Variants in MYO15A observed in about 807,000 individuals in gnomAD.
MYO15A encodes the protein myosin XVA.
A neutral mutation model predicts 394.6 loss-of-function variants in MYO15A; 308 were observed. The ratio of observed to expected loss-of-function variants is 0.78; its 90% CI spans 0.71 to 0.86. MYO15A has a LOEUF of 0.86. Among genes scored for constraint, MYO15A ranks in the 40% least tolerant of loss-of-function variants. The probability of loss-of-function intolerance (pLI) is 0.00; values close to 1 mark genes in which losing one functional copy is unlikely to be tolerated. For missense variants in MYO15A, 4,606 were observed against 4,799.1 expected, an observed-to-expected ratio of 0.96 and a Z score of 1.19; for synonymous variants, 1,957 against 2,003.8, an observed-to-expected ratio of 0.98 and a Z score of 0.62.
chr17:18,156,963 T>G lies in MYO15A; in HGVS notation c.8611T>G (p.Tyr2871Asp). 3 of 1,614,166 alleles carry G rather than the reference T, an allele frequency of 1.9e-6. No individual in the cohort carries two copies. Among genetic ancestry groups the G allele is most frequent in the Non-Finnish European group, 2.5e-6 (3 of 1,180,016 alleles). ...FILELKKDSD[Y>D]VVAVRNFLPE... Reference sequence around the variant, plus strand: ...CCTCTGGCTGACCCAGGACTCTGACTACGTGGTCGCTGTGAGGAACTTCCT... The same window carrying G: ...CCTCTGGCTGACCCAGGACTCTGACGACGTGGTCGCTGTGAGGAACTTCCT... Residue 2871 changes from tyrosine to aspartate, a missense_variant, in exon 49 of 66, where the codon TAC becomes GAC. By Grantham distance (160) the Tyr-to-Asp change is radical (BLOSUM62 -3). Around this residue, in one of 2 missense-constraint regions of MYO15A, gnomAD observed 2,776 missense variants for 3,109.3 expected, o/e 0.89. Transcript: ENST00000647165.
rs777279764 is a variant in MYO15A at position 18,121,197 on chromosome 17, G to A, written c.2397G>A (p.Leu799=). Residue 799 remains leucine (L), a synonymous_variant, in exon 2 of 66, where the codon CTG becomes CTA. Coordinates refer to ENST00000647165, the MANE Select transcript of MYO15A (RefSeq NM_016239.4). The surrounding 1 kb of genome is among the most constrained non-coding windows in gnomAD (Gnocchi z 5.3). ...CSPLAPPSPQ[L]SLRTGPFQPP... is the part of the protein sequence containing the mutation. ...CCTTGGCGCCCCCGTCGCCTCAGCT[G>A]TCCTTGCGCACGGGCCCCTTCCAGC... The A allele has an allele frequency of 3.4e-5, 51 of 1,506,964 alleles. No individual in the cohort carries two copies. The highest frequency in any genetic ancestry group is 2.1e-4 in the Middle Eastern group (1 of 4,738). The allele number at this position is 1,506,964 out of a possible 1,614,324, so 93.3% of individuals were successfully genotyped here. A position where few individuals can be genotyped will look rare whatever the true frequency, so the allele number is the denominator to read the frequency against.
intron 65 of MYO15A, among the ~76,000 whole-genome samples, chr17:18,175,479 T>G (rs1320936670): frequency 4.6e-5 from 7 of 151,942 alleles, no homozygotes; most frequent in African/African-American, 9.7e-5. Context: ...TTAGCAGAGA[T>G]AGGGTTTCAC....
chr17:18,131,134 G>T, intron 8 of MYO15A, 105 bp from the exon 9 acceptor site: 4 of 1,039,738 alleles, frequency 3.8e-6, no homozygotes, highest in Admixed American at 4.0e-5. Context: ...ATAAAGGGAG[G>T]TCCTTGGGAA....
In MYO15A at chr17:18,157,768, G is replaced by C; in HGVS notation, c.8835G>C (p.Ser2945=). 6.2e-7 allele frequency: 1 copy of C among 1,605,732 alleles called. No homozygotes were observed. Among genetic ancestry groups the C allele is most frequent in the Non-Finnish European group, 8.5e-7 (1 of 1,179,822 alleles). Residue 2945 remains serine, a synonymous_variant, in exon 51 of 66, where the codon TCG becomes TCC. Coordinates refer to ENST00000647165, the MANE Select transcript of MYO15A (RefSeq NM_016239.4). ...TIHGRVGRFP[S]ELVQPAAAPD... is the part of the protein sequence containing the mutation. ...ACGGGCGCGTGGGCCGCTTCCCTTC[G>C]GAGCTGGTGCAGCCCGCTGCTGCCC...
intron 45 of MYO15A, 101 bp from the exon 46 acceptor site, chr17:18,155,009 C>T: frequency 8.7e-7 from 1 of 1,155,914 alleles, no homozygotes; most frequent in South Asian, 1.3e-5. Context: ...TGGTCAGATA[C>T]CTTCTTGCTG....
chr17:18,158,823 G>T, intron 52 of MYO15A, 102 bp from the exon 53 acceptor site: 7 of 1,449,928 alleles, frequency 4.8e-6, no homozygotes, highest in Non-Finnish European at 6.8e-6. Flanking sequence ...ACTGATCAGT[G>T]GTGGGTCAAG....
At chr17:18,167,569 T>A in intron 61 of MYO15A, 21 bp from the exon 62 acceptor site, 1 of 1,600,736 alleles carries the variant, frequency 6.2e-7, no homozygotes. Flanking sequence ...TGGCAGCCCC[T>A]CACCCAGGTG....
chr17:18,133,157 G>C lies in MYO15A; in HGVS notation c.4321-68G>C. ...GGCCACCACACTACTGGTCAGGGCA[G>C]AGCAGGACCTGGAGGGCTCCCCAGC... On this transcript the variant is annotated intron_variant, in intron 11 of 65. Transcript: ENST00000647165. The C allele has an allele frequency of 1.9e-6, 3 of 1,548,476 alleles. No homozygotes were observed. In the South Asian group the frequency reaches 3.4e-5, roughly 18 times the overall value.
chr17:18,158,472 C>G, intron 51 of MYO15A, 51 bp from the exon 52 acceptor site: 1 of 1,529,166 alleles, frequency 6.5e-7, no homozygotes, highest in Non-Finnish European at 9.1e-7. Flanking sequence ...GACCGAAGGG[C>G]TAGGCGTGGT....
At chr17:18,158,440 T>G in intron 51 of MYO15A, 83 bp from the exon 52 acceptor site, 1 of 1,243,698 alleles carries the variant, frequency 8.0e-7, no homozygotes, top group Admixed American at 1.8e-5. Context: ...TCCAGTCAGC[T>G]AGGGGTTGCG....
intron 65 of MYO15A, among the ~76,000 whole-genome samples, chr17:18,174,597 G>T (rs2046988044): frequency 6.6e-6 from 1 of 152,204 alleles, no homozygotes; most frequent in Non-Finnish European, 1.5e-5. Context: ...GTGACAAAGT[G>T]AGACCCCATC....
At chr17:18,136,748 G>A (rs892163962) in intron 15 of MYO15A, 62 bp downstream of exon 15, 47 of 1,530,340 alleles carry the variant, frequency 3.1e-5, no homozygotes, top group Admixed American at 5.9e-5. Context: ...TCCCTCAGGC[G>A]TCTCGGGCTG....
At chr17:18,127,303 G>A (rs2046066051) in intron 7 of MYO15A, 138 bp downstream of exon 7, 2 of 1,090,180 alleles carry the variant, frequency 1.8e-6, no homozygotes, top group African/African-American at 1.6e-5. Context: ...CCTTGCCCAG[G>A]GCTGCTTTTT....
chr17:18,170,175 G>A (rs994839187), intron 62 of MYO15A, among the ~76,000 whole-genome samples: 1 of 151,836 alleles, frequency 6.6e-6, no homozygotes, highest in Admixed American at 6.6e-5. Context: ...GCACAAGAGA[G>A]AAAATGACAA....
At chr17:18,113,750 A>T (rs561021535) in intron 1 of MYO15A, among the ~76,000 whole-genome samples, 5 of 151,520 alleles carry the variant, frequency 3.3e-5, no homozygotes, top group Admixed American at 6.6e-5. Flanking sequence ...AAAAAAAAAA[A>T]AAAGGCAAAC....
Position 18,148,874 on chromosome 17 carries a change from T to C in MYO15A, c.6878T>C (p.Leu2293Pro). 1 of 1,607,700 alleles carries C rather than the reference T, an allele frequency of 6.2e-7. No individual in the cohort carries two copies. The highest frequency in any genetic ancestry group is 8.5e-7 in the Non-Finnish European group (1 of 1,177,122). ...VLDLVSDLEL[L>P]RDFPRQKSYF... is the part of the protein sequence containing the mutation. Reference sequence around the variant, plus strand: ...GACCTGGTGTCGGACCTGGAGCTGCTCAGGGACTTCCCTCGACAGAAGTCC... The same window carrying C: ...GACCTGGTGTCGGACCTGGAGCTGCCCAGGGACTTCCCTCGACAGAAGTCC... The change falls in exon 33 of 66, where the codon CTC (leucine) becomes CCC (proline). Residue 2293 changes from leucine to proline, a missense_variant. Leu to Pro is a moderately conservative substitution (Grantham distance 98). This residue lies in a region of MYO15A where 2,776 missense variants were observed against 3,109.3 expected (regional missense o/e 0.89). Transcript: ENST00000647165. This position sits in a 1 kb window ranked among gnomAD's most constrained non-coding sequence, Gnocchi z 4.8.
In MYO15A at chr17:18,153,049, G is replaced by A. The variant is rs1430127112; in HGVS notation, c.7967-726G>A. ...CCTGCCATGGGCACTAAACTCCAGG[G>A]CAGGGGCATTGTTTACCTTATTTGC... On this transcript the variant is annotated intron_variant, in intron 42 of 65. Coordinates refer to ENST00000647165, the MANE Select transcript of MYO15A (RefSeq NM_016239.4). The surrounding 1 kb of genome is among the most constrained non-coding windows in gnomAD (Gnocchi z 4.1). 6.6e-6 allele frequency among the ~76,000 whole-genome samples: 1 copy of A among 152,232 alleles called. No homozygotes were observed.
At position 18,128,350 on chromosome 17, in the gene MYO15A, A is replaced by G. The variant is rs546420976; in HGVS notation, c.4032+1185A>G. ...GCCTGCCAGCTCAGACTCCAGAACCACAGACCCAGACTTCCCCAACCCTGG... is the reference window on the plus strand; with the variant it reads ...GCCTGCCAGCTCAGACTCCAGAACCGCAGACCCAGACTTCCCCAACCCTGG... On this transcript the variant is annotated intron_variant, in intron 7 of 65. Transcript: ENST00000647165. 3.9e-5 allele frequency among the ~76,000 whole-genome samples: 6 copies of G among 152,162 alleles called. No individual in the cohort carries two copies. In the East Asian group the frequency reaches 1.2e-3, roughly 29 times the overall value.
chr17:18,120,725 G>C lies in MYO15A; in HGVS notation c.1925G>C (p.Arg642Pro), dbSNP rs779892754. 3 of 1,482,940 alleles carry C rather than the reference G, an allele frequency of 2.0e-6. No individual in the cohort carries two copies. In the South Asian group the frequency reaches 3.9e-5, roughly 19 times the overall value. The allele number at this position is 1,482,940 out of a possible 1,614,324, so 91.9% of individuals were successfully genotyped here. The change falls in exon 2 of 66, where the codon CGC becomes CCC. Residue 642 changes from arginine (R) to proline (P), a missense_variant. By Grantham distance (103) the Arg-to-Pro change is moderately radical (BLOSUM62 -2). Transcript: ENST00000647165. ...CGCGCTCGCAGCAGCAACGACGCGC[G>C]CCGCCCGCCCGCGCCACAGCCCGCG... The part of the protein sequence containing the change: ...QPRARSSNDA[R>P]RPPAPQPAPR...
Sources: allele counts gnomAD v4.1 joint callset (sites outside exome capture counted in the v4.1 genomes callset), GRCh38; gene constraint gnomAD v4.1.1; regional missense constraint gnomAD v4.1.1; non-coding constraint Gnocchi (gnomAD v3.1); transcripts MANE v1.5; gene names NCBI Gene and HGNC (gene_info 2026-07-23, HGNC 2026-07-21).